RBFOX1: variants seen among roughly 807,000 people sequenced by gnomAD.
RBFOX1 encodes the protein RNA binding fox-1 homolog 1, also known as RNA binding protein fox-1 homolog 1.
RBFOX1 carries 8 observed loss-of-function variants against 57.7 expected under a neutral mutation model. The observed-to-expected ratio is 0.14, with a 90% CI of 0.08 to 0.25. The LOEUF is 0.25. Among genes scored for constraint, RBFOX1 ranks in the 10% least tolerant of loss-of-function variants. The pLI, the probability that RBFOX1 is intolerant of heterozygous loss-of-function variation, is 1.00. For missense variants in RBFOX1, 611 were observed against 548.5 expected (o/e 1.11, Z -1.14); for synonymous variants, 326 against 222.4 (o/e 1.47, Z -4.15).
At chr16:7,452,729 T>TA (rs2057618260) in intron 4 of RBFOX1, among the ~76,000 whole-genome samples, 1 of 152,200 alleles carries the variant, frequency 6.6e-6, no homozygotes, top group Admixed American at 6.5e-5. Context: ...ATTCTTAGGA[T>TA]AAAGTCATAA....
chr16:5,755,497 T>C (rs538983798), intron 3 of RBFOX1, among the ~76,000 whole-genome samples: 1 of 152,356 alleles, frequency 6.6e-6, no homozygotes, highest in South Asian at 2.1e-4. Flanking sequence ...ACCAAAGCAG[T>C]AGCCCTAAGC....
chr16:7,194,527 T>A (rs970666478), intron 4 of RBFOX1, among the ~76,000 whole-genome samples: 1 of 152,164 alleles, frequency 6.6e-6, no homozygotes, highest in African/African-American at 2.4e-5. Context: ...ACATTTAAAT[T>A]ACCAAACAGA....
intron 1 of RBFOX1, among the ~76,000 whole-genome samples, chr16:6,264,458 T>A (rs897071687): frequency 5.3e-5 from 8 of 152,160 alleles, no homozygotes; most frequent in African/African-American, 1.9e-4. Flanking sequence ...GAAGTTCAAA[T>A]GCTCCCACTG....
At chr16:6,243,350 C>T (rs757546400) in intron 1 of RBFOX1, among the ~76,000 whole-genome samples, 1 of 152,126 alleles carries the variant, frequency 6.6e-6, no homozygotes, top group African/African-American at 2.4e-5. Flanking sequence ...ATTCTTTAAA[C>T]TCCAAGTACT....
At chr16:5,444,434 C>T (rs532608461) in intron 1 of RBFOX1, among the ~76,000 whole-genome samples, 410 of 152,284 alleles carry the variant, frequency 2.7e-3, no homozygotes, top group African/African-American at 9.4e-3. Context: ...TGTAGACAAA[C>T]AGAGCATGAA....
At chr16:6,903,916 T>A (rs779317796) in intron 3 of RBFOX1, among the ~76,000 whole-genome samples, 1 of 151,938 alleles carries the variant, frequency 6.6e-6, no homozygotes, top group Non-Finnish European at 1.5e-5. Context: ...CCAGGGAGGA[T>A]GTTTAGTAAT....
chr16:5,246,072 T>C (rs1162975603), intron 1 of RBFOX1, among the ~76,000 whole-genome samples: 1 of 151,996 alleles, frequency 6.6e-6, no homozygotes, highest in African/African-American at 2.4e-5. Context: ...GGCGAAACTG[T>C]CTCTACTAAA....
intron 1 of RBFOX1, among the ~76,000 whole-genome samples, chr16:6,161,502 G>C (rs1035084949): frequency 5.3e-5 from 8 of 152,160 alleles, no homozygotes; most frequent in African/African-American, 1.9e-4. Flanking sequence ...GGAAGCAGGG[G>C]TTTTGTCCTG....
intron 1 of RBFOX1, among the ~76,000 whole-genome samples, chr16:5,391,117 C>G: frequency 6.6e-6 from 1 of 152,324 alleles, no homozygotes; most frequent in East Asian, 1.9e-4. Flanking sequence ...CAAAACCAGA[C>G]ATACACGTTA....
intron 4 of RBFOX1, among the ~76,000 whole-genome samples, chr16:7,234,136 G>C (rs568688363): frequency 6.6e-6 from 1 of 152,252 alleles, no homozygotes; most frequent in Admixed American, 6.5e-5. Flanking sequence ...GGCCTGTTTT[G>C]CTGGCAGACG....
At chr16:7,294,850 G>A (rs1018185776) in intron 4 of RBFOX1, among the ~76,000 whole-genome samples, 1 of 152,100 alleles carries the variant, frequency 6.6e-6, no homozygotes, top group Non-Finnish European at 1.5e-5. Flanking sequence ...TGTATTGCAT[G>A]GTTAAAAAGG....
At chr16:6,610,401 C>T (rs985837469) in intron 2 of RBFOX1, among the ~76,000 whole-genome samples, 1 of 152,086 alleles carries the variant, frequency 6.6e-6, no homozygotes, top group Non-Finnish European at 1.5e-5. Flanking sequence ...AATCATGGCT[C>T]ACTGCAGCAT....
chr16:5,282,097 A>T (rs113934370), intron 1 of RBFOX1, among the ~76,000 whole-genome samples: 3 of 152,098 alleles, frequency 2.0e-5, no homozygotes, highest in African/African-American at 7.2e-5. Context: ...TTACCATGCT[A>T]TTCTTTTGAT....
At chr16:6,763,326 C>G (rs1261708814) in intron 3 of RBFOX1, among the ~76,000 whole-genome samples, 1 of 8,898 alleles carries the variant, frequency 1.1e-4, no homozygotes, top group Non-Finnish European at 3.5e-3. Flanking sequence ...TAGGGTCAGG[C>G]TAGACACTTG....
intron 3 of RBFOX1, among the ~76,000 whole-genome samples, chr16:5,737,523 GATT>G (rs1203205295): frequency 1.1e-4 from 15 of 132,472 alleles, no homozygotes; most frequent in African/African-American, 4.0e-4. Context: ...AAATATTCTG[GATT>G]TTTTTTTTTT....
At chr16:6,585,375 C>A (rs1030748589) in intron 2 of RBFOX1, among the ~76,000 whole-genome samples, 13 of 152,122 alleles carry the variant, frequency 8.5e-5, no homozygotes, top group Non-Finnish European at 1.5e-5. Context: ...ACTTTGAAAT[C>A]ATCTCTTCTT....
chr16:6,294,636 G>C (rs1402273461), intron 1 of RBFOX1, among the ~76,000 whole-genome samples: 1 of 152,178 alleles, frequency 6.6e-6, no homozygotes. Context: ...ATCCTATAGA[G>C]TCTACTAAAG....
In RBFOX1 at chr16:6,763,433, G is replaced by T. The variant is rs190105930; in HGVS notation, c.-16+108783G>T. On this transcript the variant is annotated intron_variant, in intron 3 of 15. Coordinates refer to ENST00000550418, the MANE Select transcript of RBFOX1 (RefSeq NM_018723.4). ...TTCAACCAGCAAACTGTATCTTCAT[G>T]GGCCTGTACACCTGTCTTATTCATG... Among the ~76,000 whole-genome samples, 245 of 152,270 alleles carry T rather than the reference G, an allele frequency of 1.6e-3. 2 individuals are homozygous for T. Among genetic ancestry groups the T allele is most frequent in the African/African-American group, 5.6e-3 (234 of 41,544 alleles).
chr16:7,039,150 T>C (rs1232065386), intron 3 of RBFOX1, among the ~76,000 whole-genome samples: 1 of 152,244 alleles, frequency 6.6e-6, no homozygotes, highest in African/African-American at 2.4e-5. Context: ...TAGGATATGC[T>C]CCATAAAGTA....
Sources: allele counts gnomAD v4.1 joint callset (sites outside exome capture counted in the v4.1 genomes callset), GRCh38; gene constraint gnomAD v4.1.1; transcripts MANE v1.5; gene names NCBI Gene and HGNC (gene_info 2026-07-23, HGNC 2026-07-21).